Variants in PDE4B observed in about 807,000 individuals in gnomAD.
PDE4B encodes the protein 3',5'-cyclic-AMP phosphodiesterase 4B.
In PDE4B, 20 loss-of-function variants were observed where a neutral mutation model predicts 82.2. The ratio of observed to expected loss-of-function variants is 0.24; its 90% CI spans 0.17 to 0.35. The LOEUF is 0.35. Ranked by LOEUF, PDE4B falls within the 10% of genes least tolerant of loss-of-function variation. PDE4B has a pLI of 1.00. For synonymous variants in PDE4B, 320 were observed against 318.9 expected (o/e 1.00, Z -0.04); for missense variants, 655 against 907.2 (o/e 0.72, Z 3.57).
chr1:66,076,546 T>C (rs564049315), intron 3 of PDE4B, among the ~76,000 whole-genome samples: 1 of 152,090 alleles, frequency 6.6e-6, no homozygotes, highest in East Asian at 1.9e-4. Context: ...AGTTAAGGAA[T>C]TTCTGGATTT....
intron 3 of PDE4B, among the ~76,000 whole-genome samples, chr1:65,972,914 A>T (rs752943535): frequency 2.0e-5 from 3 of 152,182 alleles, no homozygotes; most frequent in Non-Finnish European, 4.4e-5. Flanking sequence ...AACATGACAA[A>T]TTGTTGCTAA....
intron 3 of PDE4B, among the ~76,000 whole-genome samples, chr1:66,062,337 G>A (rs887772690): frequency 1.3e-5 from 2 of 151,996 alleles, no homozygotes; most frequent in Admixed American, 6.6e-5. Flanking sequence ...ACTTTATTTC[G>A]TTAGCATCAT....
intron 3 of PDE4B, among the ~76,000 whole-genome samples, chr1:66,121,045 A>G (rs758637355): frequency 1.3e-5 from 2 of 152,018 alleles, no homozygotes; most frequent in Non-Finnish European, 2.9e-5. Flanking sequence ...GTTTTTGTCC[A>G]CTCTCTAAAA....
At chr1:66,328,143 A>G (rs1242578547) in intron 7 of PDE4B, among the ~76,000 whole-genome samples, 1 of 152,228 alleles carries the variant, frequency 6.6e-6, no homozygotes, top group African/African-American at 2.4e-5. Flanking sequence ...TTAATATTAT[A>G]ATTATTTACT....
intron 1 of PDE4B, among the ~76,000 whole-genome samples, chr1:65,857,282 G>T (rs1646404099): frequency 6.6e-6 from 1 of 152,148 alleles, no homozygotes; most frequent in Admixed American, 6.5e-5. Context: ...ATACAAAGTA[G>T]TCTCAGTTAA....
chr1:66,201,654 T>G (rs1344712665), intron 3 of PDE4B, among the ~76,000 whole-genome samples: 2 of 151,312 alleles, frequency 1.3e-5, no homozygotes, highest in African/African-American at 2.4e-5. Flanking sequence ...TAGTATTCTC[T>G]GATGGTAGTT....
intron 3 of PDE4B, among the ~76,000 whole-genome samples, chr1:66,070,039 A>C (rs1005013563): frequency 1.3e-5 from 2 of 151,960 alleles, no homozygotes; most frequent in African/African-American, 4.8e-5. Flanking sequence ...GGGACTTTGA[A>C]ATCTTGATCA....
chr1:66,289,716 A>G (rs1656933658), intron 7 of PDE4B, among the ~76,000 whole-genome samples: 1 of 151,728 alleles, frequency 6.6e-6, no homozygotes, highest in African/African-American at 2.4e-5. Context: ...ATATATATAT[A>G]TATATATTTT....
chr1:66,019,028 C>T (rs1186080869), intron 3 of PDE4B, among the ~76,000 whole-genome samples: 1 of 152,166 alleles, frequency 6.6e-6, no homozygotes, highest in Non-Finnish European at 1.5e-5. Context: ...GGATAGAGTT[C>T]TTACTTACCG....
intron 3 of PDE4B, among the ~76,000 whole-genome samples, chr1:65,964,843 G>A (rs906969270): frequency 5.9e-5 from 9 of 152,152 alleles, no homozygotes; most frequent in African/African-American, 2.2e-4. Context: ...ATGTGCATGT[G>A]TGTGTGTGTA....
chr1:65,893,308 G>A (rs1473506396), intron 1 of PDE4B, among the ~76,000 whole-genome samples: 1 of 152,000 alleles, frequency 6.6e-6, no homozygotes, highest in Non-Finnish European at 1.5e-5. Flanking sequence ...GAGTTGGTGA[G>A]CAAAGCACAT....
In PDE4B at chr1:66,184,789, C is replaced by T. The variant is rs115138211; in HGVS notation, c.282-62671C>T. ...TGTTATTATAAGAAAATAGTAATAC[C>T]TCAGAGTTTTTCTTTTTTTTTTTAA... On this transcript the variant is annotated intron_variant, in intron 3 of 16. Transcript: ENST00000341517. Among the ~76,000 whole-genome samples, 583 of 150,786 alleles carry T rather than the reference C, an allele frequency of 3.9e-3. 2 individuals carry two copies. Among genetic ancestry groups the T allele is most frequent in the African/African-American group, 0.013 (548 of 40,912 alleles).
At chr1:66,248,716 G>A (rs1225600034) in intron 4 of PDE4B, among the ~76,000 whole-genome samples, 1 of 152,150 alleles carries the variant, frequency 6.6e-6, no homozygotes, top group Non-Finnish European at 1.5e-5. Flanking sequence ...TGAGTTAAAA[G>A]CATATCTCAT....
chr1:65,930,389 C>G lies in PDE4B; in HGVS notation c.281+11554C>G, dbSNP rs569938100. On this transcript the variant is annotated intron_variant, in intron 3 of 16. Transcript: ENST00000341517. Reference sequence around the variant, plus strand: ...TTAACCATCACAGAGGGCCACTGTTCTCCAGACTCCAGAATGATAGATCCA... The same window carrying G: ...TTAACCATCACAGAGGGCCACTGTTGTCCAGACTCCAGAATGATAGATCCA... 4.6e-5 allele frequency among the ~76,000 whole-genome samples: 7 copies of G among 152,350 alleles called. No individual in the cohort carries two copies. The East Asian group carries it at 1.4e-3, about 29-fold the overall frequency.
chr1:65,852,360 T>C (rs866521441), intron 1 of PDE4B, among the ~76,000 whole-genome samples: 1 of 151,974 alleles, frequency 6.6e-6, no homozygotes, highest in African/African-American at 2.4e-5. Context: ...ATGGTTCTTG[T>C]TCAGATTTGA....
intron 3 of PDE4B, among the ~76,000 whole-genome samples, chr1:66,022,758 C>G (rs1054952205): frequency 3.3e-5 from 5 of 152,112 alleles, no homozygotes; most frequent in African/African-American, 1.2e-4. Flanking sequence ...GGATATTGAT[C>G]TAAAATTCTC....
rs956470579 is a variant in PDE4B, at chr1:66,116,213, T to G, written c.282-131247T>G. Among the ~76,000 whole-genome samples the G allele has an allele frequency of 0.017, 18 of 1,080 alleles. No homozygotes were observed. The Admixed American group carries it at 0.2, about 12-fold the overall frequency. The allele number at this position is 1,080 out of a possible 152,430, so 0.7% of individuals were successfully genotyped here. ...TGTCAAATTATCTCTATTTCTGGGT[T>G]TTTTTTTTATCTGGGTCTCTCTCAT... On this transcript the variant is annotated intron_variant, in intron 3 of 16. Coordinates refer to ENST00000341517, the MANE Select transcript of PDE4B (RefSeq NM_002600.4).
At chr1:66,243,431 C>G (rs1653046072) in intron 3 of PDE4B, among the ~76,000 whole-genome samples, 1 of 152,192 alleles carries the variant, frequency 6.6e-6, no homozygotes, top group South Asian at 2.1e-4. Flanking sequence ...TGAGTCCCTT[C>G]TGGCTTGGAG....
intron 7 of PDE4B, among the ~76,000 whole-genome samples, chr1:66,295,590 G>T (rs1355531910): frequency 6.6e-6 from 1 of 152,018 alleles, no homozygotes; most frequent in East Asian, 1.9e-4. Context: ...CACCATGCCT[G>T]GCTAATTTTT....
Sources: allele counts gnomAD v4.1 joint callset (sites outside exome capture counted in the v4.1 genomes callset), GRCh38; gene constraint gnomAD v4.1.1; transcripts MANE v1.5; gene names NCBI Gene and HGNC (gene_info 2026-07-23, HGNC 2026-07-21).